PCDHA7: variants seen among roughly 807,000 people sequenced by gnomAD.
PCDHA7 encodes the protein protocadherin alpha-7.
PCDHA7 carries 37 observed loss-of-function variants against 57.2 expected under a neutral mutation model. That is an observed-to-expected ratio of 0.65 (90% confidence interval 0.50 to 0.85). The LOEUF (loss-of-function observed/expected upper bound fraction) is 0.85. PCDHA7 is among the 40% of genes least tolerant of loss of function. PCDHA7 has a pLI of 0.00. For synonymous variants in PCDHA7, 553 were observed against 558.8 expected (o/e 0.99, Z 0.15); for missense variants, 1,188 against 1,241.8 (o/e 0.96, Z 0.65).
intron 1 of PCDHA7, among the ~76,000 whole-genome samples, chr5:140,916,856 G>C (rs529499839): frequency 2.6e-5 from 4 of 152,254 alleles, no homozygotes; most frequent in South Asian, 2.1e-4. Flanking sequence ...CCAGCACTAG[G>C]AGTTACCTAG....
chr5:140,871,719 T>G (rs1228976923), intron 1 of PCDHA7: 1 of 783,446 alleles, frequency 1.3e-6, no homozygotes, highest in East Asian at 2.9e-5. Flanking sequence ...CCTATTTCTC[T>G]TAATATTTGG....
At chr5:140,850,820 C>T in intron 1 of PCDHA7, 6 of 1,598,226 alleles carry the variant, frequency 3.8e-6, no homozygotes, top group Non-Finnish European at 5.1e-6. Flanking sequence ...TCAGCCCGGG[C>T]CTTTCTCCTT....
chr5:140,858,024 C>A lies in PCDHA7; in HGVS notation c.2355+21286C>A, dbSNP rs782656168. On this transcript the variant is annotated intron_variant, in intron 1 of 3. Transcript: ENST00000525929. ...AAGGACCATGGCGAGCCGTCGCTGACGGCCACGGCCACTGTGCTTGTGTCG... is the reference window on the plus strand; with the variant it reads ...AAGGACCATGGCGAGCCGTCGCTGAAGGCCACGGCCACTGTGCTTGTGTCG... 1 of 1,596,584 alleles carries A rather than the reference C, an allele frequency of 6.3e-7. No individual in the cohort carries two copies. Among genetic ancestry groups the A allele is most frequent in the East Asian group, 2.2e-5 (1 of 44,824 alleles).
intron 1 of PCDHA7, among the ~76,000 whole-genome samples, chr5:140,971,541 G>A (rs544682624): frequency 6.6e-6 from 1 of 152,172 alleles, no homozygotes; most frequent in Non-Finnish European, 1.5e-5. Context: ...ATCATTGCCA[G>A]ATCAACCTGT....
In PCDHA7 at chr5:140,897,967, T is replaced by G. The variant is rs1277557012; in HGVS notation, c.2355+61229T>G. On this transcript the variant is annotated intron_variant, in intron 1 of 3. Transcript: ENST00000525929. Reference sequence around the variant, plus strand: ...ATGATTAGCATTTTTTCATGTGTCTTTTGGCTGCATAAATGTCTTCTTTTG... The same window carrying G: ...ATGATTAGCATTTTTTCATGTGTCTGTTGGCTGCATAAATGTCTTCTTTTG... Among the ~76,000 whole-genome samples, 3 of 152,364 alleles carry G rather than the reference T, an allele frequency of 2.0e-5. No homozygotes were observed. In the East Asian group the frequency reaches 5.8e-4, roughly 29 times the overall value.
At chr5:140,843,313 G>T (rs1554139942) in intron 1 of PCDHA7, 3 of 1,595,962 alleles carry the variant, frequency 1.9e-6, no homozygotes, top group Admixed American at 1.7e-5. Context: ...CCACGGCCAC[G>T]GTTCTGGTGT....
At chr5:140,984,083 A>C (rs2097086103) in intron 3 of PCDHA7, among the ~76,000 whole-genome samples, 1 of 152,226 alleles carries the variant, frequency 6.6e-6, no homozygotes, top group South Asian at 2.1e-4. Context: ...GATGGAGTGA[A>C]GAAATGATGG....
intron 1 of PCDHA7, chr5:140,870,604 C>T (rs376574285): frequency 1.9e-6 from 3 of 1,613,134 alleles, no homozygotes; most frequent in African/African-American, 2.7e-5. Context: ...GTTGGGCGAC[C>T]GCGCGCTGTC....
chr5:140,934,043 G>A (rs1241698438), intron 1 of PCDHA7, among the ~76,000 whole-genome samples: 1 of 151,818 alleles, frequency 6.6e-6, no homozygotes, highest in African/African-American at 2.4e-5. Context: ...AATGATATTA[G>A]TCTTTCCAAG....
intron 1 of PCDHA7, chr5:140,852,892 T>C: frequency 1.1e-6 from 1 of 911,000 alleles, no homozygotes; most frequent in Non-Finnish European, 1.3e-6. Context: ...CGTATTTTTT[T>C]TTTTGAGTCA....
Position 141,009,798 on chromosome 5 carries a change from A to G in PCDHA7, c.2675A>G (p.Asn892Ser). Residue 892 changes from asparagine (N) to serine (S), a missense_variant, in exon 4 of 4, where the codon AAC (asparagine) becomes AGC (serine). Physicochemically the swap from Asn to Ser is conservative, Grantham distance 46. Transcript: ENST00000525929. ...AIISIRQEPT[N>S]SQIDKSDFIT... The stretch of plus-strand genomic sequence containing the variant: ...ATCTCCATCCGGCAGGAGCCTACTA[A>G]CAGCCAAATTGACAAAAGTGACTTC... 2 of 1,614,116 alleles carry G rather than the reference A, an allele frequency of 1.2e-6. No homozygotes were observed. Among genetic ancestry groups the G allele is most frequent in the Non-Finnish European group, 1.7e-6 (2 of 1,180,014 alleles).
At chr5:140,993,376 G>A (rs577656854) in intron 3 of PCDHA7, among the ~76,000 whole-genome samples, 6 of 151,752 alleles carry the variant, frequency 4.0e-5, no homozygotes, top group Non-Finnish European at 7.4e-5. Context: ...CCTCCCAGCC[G>A]GGTCCCTGAA....
intron 1 of PCDHA7, chr5:140,968,403 T>C (rs1554230673): frequency 6.2e-7 from 1 of 1,613,984 alleles, no homozygotes; most frequent in Non-Finnish European, 8.5e-7. Context: ...CGGGAGTTCT[T>C]TGTGACTGTG....
Position 140,875,145 on chromosome 5 carries a change from T to A in PCDHA7, c.2355+38407T>A, listed in dbSNP as rs191347942. On this transcript the variant is annotated intron_variant, in intron 1 of 3. Coordinates refer to ENST00000525929, the MANE Select transcript of PCDHA7 (RefSeq NM_018910.3). ...TAACTAAACCCGCATTTATAAATGA[T>A]CCGTGAAAAATAACCCAAAGTCGAA... Among the ~76,000 whole-genome samples the A allele has an allele frequency of 3.1e-3, 468 of 152,306 alleles. 3 individuals are homozygous for A. The highest frequency in any genetic ancestry group is 0.014 in the Middle Eastern group (4 of 294).
In PCDHA7 at chr5:140,835,839, A is replaced by G. The variant is rs2150246245; in HGVS notation, c.1456A>G (p.Lys486Glu). Residue 486 changes from lysine to glutamate, a missense_variant, in exon 1 of 4, where the codon AAG becomes GAG. By Grantham distance (56) the Lys-to-Glu change is moderately conservative (BLOSUM62 1). Coordinates refer to ENST00000525929, the MANE Select transcript of PCDHA7 (RefSeq NM_018910.3). ...TVSAGDADAQ[K>E]NALVSYSLVE... ...GTCGGCGGGGGACGCGGACGCGCAG[A>G]AGAACGCGCTGGTGTCCTACTCGCT... 1.9e-5 allele frequency: 31 copies of G among 1,612,256 alleles called. No individual in the cohort carries two copies. The Admixed American group carries it at 4.2e-4, about 22-fold the overall frequency.
intron 3 of PCDHA7, among the ~76,000 whole-genome samples, chr5:141,008,201 A>T (rs2098364434): frequency 6.6e-6 from 1 of 152,212 alleles, no homozygotes; most frequent in Admixed American, 6.5e-5. Context: ...TAATATAATG[A>T]ACTTGACATG....
At chr5:140,857,683 C>A in intron 1 of PCDHA7, 1 of 1,597,084 alleles carries the variant, frequency 6.3e-7, no homozygotes, top group East Asian at 2.2e-5. Context: ...CGCCTCTGGG[C>A]AGCAACTTGA....
Position 140,843,641 on chromosome 5 carries a change from C to T in PCDHA7, c.2355+6903C>T, listed in dbSNP as rs1231976546. ...GAAGACGGACCTCATGGCCTTCAGCCCCTGCCTTCCTCCTGATCTGGGATC... is the reference window on the plus strand; with the variant it reads ...GAAGACGGACCTCATGGCCTTCAGCTCCTGCCTTCCTCCTGATCTGGGATC... On this transcript the variant is annotated intron_variant, in intron 1 of 3. Transcript: ENST00000525929. 2.4e-5 allele frequency: 38 copies of T among 1,595,398 alleles called. 1 individual carries two copies. The highest frequency in any genetic ancestry group is 4.5e-5 in the East Asian group (2 of 44,832).
At chr5:140,926,129 G>C (rs2082926412) in intron 1 of PCDHA7, among the ~76,000 whole-genome samples, 1 of 152,178 alleles carries the variant, frequency 6.6e-6, no homozygotes, top group African/African-American at 2.4e-5. Flanking sequence ...ACTTCAACCC[G>C]CAGCAGGATC....
Sources: gnomAD v4.1 joint callset for allele counts (sites outside exome capture counted in the v4.1 genomes callset) on GRCh38, gnomAD v4.1.1 for gene constraint, MANE v1.5 for transcripts, NCBI Gene and HGNC (gene_info 2026-07-23, HGNC 2026-07-21) for gene names.